Variants in AFDN observed in about 807,000 individuals in gnomAD.
AFDN encodes the protein afadin, adherens junction formation factor, also known as afadin.
Under a neutral mutation model 216.6 loss-of-function variants are expected in AFDN, and 68 were observed. The ratio of observed to expected loss-of-function variants is 0.31; its 90% CI spans 0.26 to 0.38. AFDN has a LOEUF of 0.38. Ranked by LOEUF, AFDN falls within the 10% of genes least tolerant of loss-of-function variation. AFDN has a pLI of 1.00. For synonymous variants in AFDN, 868 were observed against 853.7 expected (o/e 1.02, Z -0.29); for missense variants, 2,136 against 2,342.0 (o/e 0.91, Z 1.82).
rs1286299276 is a variant in AFDN, at chr6:167,918,862, G to T, written c.2837G>T (p.Gly946Val). 1 of 1,613,704 alleles carries T rather than the reference G, an allele frequency of 6.2e-7. No individual in the cohort carries two copies. Among genetic ancestry groups the T allele is most frequent in the South Asian group, 1.1e-5 (1 of 90,960 alleles). The change falls in exon 21 of 34, where the codon GGT becomes GTT. Residue 946 changes from glycine (G) to valine (V), a missense_variant. Physicochemically the swap from Gly to Val is moderately radical, Grantham distance 109. This residue lies in a region of AFDN where 162 missense variants were observed against 182.6 expected (regional missense o/e 0.89). Coordinates refer to ENST00000683244, the MANE Select transcript of AFDN (RefSeq NM_001386888.1). ...LQLPFLLPEDGYSCDVVRNIP... is the reference protein window; with the variant it reads ...LQLPFLLPEDVYSCDVVRNIP... ...CTGCCGTTTCTTTTGCCAGAAGATG[G>T]TTATTCTTGTGATGTTGTCAGAAAC...
At chr6:167,966,557 A>C (rs1258318984) in intron 32 of AFDN, among the ~76,000 whole-genome samples, 1 of 152,142 alleles carries the variant, frequency 6.6e-6, no homozygotes, top group Non-Finnish European at 1.5e-5. Context: ...GTTGTTCCCA[A>C]ATCACTTGAA....
intron 1 of AFDN, among the ~76,000 whole-genome samples, chr6:167,851,016 A>G (rs1036965264): frequency 1.3e-5 from 2 of 152,020 alleles, no homozygotes; most frequent in African/African-American, 2.4e-5. Context: ...TGCCTCCTGC[A>G]TTCAAGCGAT....
At chr6:167,854,959 A>G (rs924675154) in intron 1 of AFDN, among the ~76,000 whole-genome samples, 1 of 152,012 alleles carries the variant, frequency 6.6e-6, no homozygotes, top group Non-Finnish European at 1.5e-5. Context: ...AAATTTATAA[A>G]TTAAGTGTGT....
At chr6:167,912,641 A>G (rs1044734842) in intron 15 of AFDN, among the ~76,000 whole-genome samples, 3 of 152,142 alleles carry the variant, frequency 2.0e-5, no homozygotes, top group South Asian at 2.1e-4. Flanking sequence ...ATTCAAAGCC[A>G]TTGTCTGTCT....
In AFDN at chr6:167,837,263, T is replaced by C. The variant is rs1402979200; in HGVS notation, c.105+10026T>C. ...ACTATAGTAAGATACATTTAAAAAA[T>C]ATTTGCTTCTTTCCATTATTCAAAT... On this transcript the variant is annotated intron_variant, in intron 1 of 33. Transcript: ENST00000683244. Among the ~76,000 whole-genome samples the C allele has an allele frequency of 2.0e-5, 3 of 152,288 alleles. No homozygotes were observed. The East Asian group carries it at 5.8e-4, about 29-fold the overall frequency.
chr6:167,889,194 T>C, intron 6 of AFDN, 21 bp from the exon 7 acceptor site: 1 of 1,536,690 alleles, frequency 6.5e-7, no homozygotes, highest in Non-Finnish European at 9.0e-7. Context: ...CATTCATAGT[T>C]AATTATTTTT....
chr6:167,951,003 CCTT>C lies in AFDN; in HGVS notation c.3832-179_3832-177del, dbSNP rs1163519230. ...TGAGCCACCACGCTTGGCCGCTTTT[CCTT>C]CTTTACACAGATAAATGCACTGTTA... On this transcript the variant is annotated intron_variant, in intron 29 of 33. Coordinates refer to ENST00000683244, the MANE Select transcript of AFDN (RefSeq NM_001386888.1). This position sits in a 1 kb window ranked among gnomAD's most constrained non-coding sequence, Gnocchi z 7.1. Among the ~76,000 whole-genome samples the C allele has an allele frequency of 2.0e-5, 3 of 151,990 alleles. 1 individual carries two copies. The highest frequency in any genetic ancestry group is 1.3e-4 in the Admixed American group (2 of 15,262).
Position 167,947,268 on chromosome 6 carries a change from C to T in AFDN, c.3553+367C>T, listed in dbSNP as rs552190445. ...GATCTCGGCTAACTGCAAGCTCCAC[C>T]TCCTGGGTTCATGCCATTCTCCTGC... On this transcript the variant is annotated intron_variant, in intron 27 of 33. Transcript: ENST00000683244. Among the ~76,000 whole-genome samples, 9 of 152,158 alleles carry T rather than the reference C, an allele frequency of 5.9e-5. No individual in the cohort carries two copies. The East Asian group carries it at 1.5e-3, about 26-fold the overall frequency.
chr6:167,967,562 C>T (rs910974766), intron 32 of AFDN, among the ~76,000 whole-genome samples: 3 of 152,022 alleles, frequency 2.0e-5, no homozygotes, highest in African/African-American at 7.2e-5. Context: ...TAAGCTGAAC[C>T]TAAGATATTT....
chr6:167,855,025 A>C (rs1462455476), intron 1 of AFDN, among the ~76,000 whole-genome samples: 1 of 151,864 alleles, frequency 6.6e-6, no homozygotes, highest in Non-Finnish European at 1.5e-5. Context: ...ATTACAAGAG[A>C]AATTCTGTTT....
intron 2 of AFDN, among the ~76,000 whole-genome samples, chr6:167,867,985 G>A (rs1224833478): frequency 6.6e-6 from 1 of 152,118 alleles, no homozygotes; most frequent in East Asian, 1.9e-4. Context: ...CCCTGCGTGA[G>A]GCTGTAGTAA....
intron 21 of AFDN, 57 bp downstream of exon 21, chr6:167,918,990 T>G: frequency 6.9e-7 from 1 of 1,456,354 alleles, no homozygotes. Flanking sequence ...GCGAGCATTT[T>G]ATTCATTGTC....
intron 1 of AFDN, among the ~76,000 whole-genome samples, chr6:167,836,490 G>A (rs1047896840): frequency 2.0e-5 from 3 of 151,906 alleles, no homozygotes; most frequent in East Asian, 3.9e-4. Flanking sequence ...GACCAATCAC[G>A]CACATATGGA....
chr6:167,932,136 A>G (rs928971113), intron 23 of AFDN, among the ~76,000 whole-genome samples: 3 of 152,144 alleles, frequency 2.0e-5, no homozygotes, highest in Admixed American at 6.5e-5. Flanking sequence ...TTGTGTCGTT[A>G]AATTTTACCC....
At chr6:167,896,069 A>T (rs1427678786) in intron 9 of AFDN, among the ~76,000 whole-genome samples, 1 of 152,140 alleles carries the variant, frequency 6.6e-6, no homozygotes, top group East Asian at 1.9e-4. Context: ...CTCATCTGGG[A>T]TACAGTAGGT....
intron 16 of AFDN, 113 bp from the exon 17 acceptor site, chr6:167,914,055 G>C (rs1790741450): frequency 8.9e-7 from 1 of 1,125,736 alleles, no homozygotes; most frequent in Non-Finnish European, 1.3e-6. Context: ...TAAATACCTT[G>C]GTGAAATGGG....
rs13207589 is a variant in AFDN at position 167,940,334 on chromosome 6, T to G, written c.3100-2795T>G. On this transcript the variant is annotated intron_variant, in intron 23 of 33. Transcript: ENST00000683244. The stretch of plus-strand genomic sequence containing the variant: ...GTGGACAGACACAGAGGGATGTAGG[T>G]GTGAGGGTGGAAACCATCCACAGGA... Among the ~76,000 whole-genome samples, 48 of 47,566 alleles carry G rather than the reference T, an allele frequency of 1.0e-3. 1 individual carries two copies. The East Asian group carries it at 0.019, about 19-fold the overall frequency. 31.2% of individuals were successfully genotyped at this position (47,566 alleles called of 152,430 possible). A position where few individuals can be genotyped will look rare whatever the true frequency, so the allele number is the denominator to read the frequency against.
chr6:167,904,765 G>A (rs1789441289), intron 12 of AFDN, among the ~76,000 whole-genome samples: 1 of 152,140 alleles, frequency 6.6e-6, no homozygotes, highest in Non-Finnish European at 1.5e-5. Flanking sequence ...GGCTTAGGCT[G>A]CAGCCATCAC....
Position 167,953,189 on chromosome 6 carries a change from C to G in AFDN, c.4833+1002C>G, listed in dbSNP as rs530467111. 3.3e-5 allele frequency among the ~76,000 whole-genome samples: 5 copies of G among 152,052 alleles called. No homozygotes were observed. In the South Asian group the frequency reaches 1.0e-3, roughly 32 times the overall value. On this transcript the variant is annotated intron_variant, in intron 30 of 33. Transcript: ENST00000683244. ...ATGGCCAGAGCCATGTTCTTTTTAT[C>G]TTTTGGATTCTGTTTCTAATTTCAA...
Sources: gnomAD v4.1 joint callset for allele counts (sites outside exome capture counted in the v4.1 genomes callset) on GRCh38, gnomAD v4.1.1 for gene constraint, gnomAD v4.1.1 regional missense constraint, Gnocchi (gnomAD v3.1) non-coding constraint, MANE v1.5 for transcripts, NCBI Gene and HGNC (gene_info 2026-07-23, HGNC 2026-07-21) for gene names.